The following FAT1 variants were observed in gnomAD, a reference collection of about 807,000 sequenced individuals.
FAT1 encodes protocadherin Fat 1.
Under a neutral mutation model 329.8 loss-of-function variants are expected in FAT1, and 171 were observed. That is an observed-to-expected ratio of 0.52 (90% CI 0.46 to 0.59). The LOEUF is 0.59. Ranked by LOEUF, FAT1 falls within the 20% of genes least tolerant of loss-of-function variation. The pLI is 0.00. For synonymous variants in FAT1, 2,233 were observed against 2,228.6 expected, an observed-to-expected ratio of 1.00 and a Z score of -0.06; for missense variants, 5,672 against 5,774.4, an observed-to-expected ratio of 0.98 and a Z score of 0.57.
Position 186,603,387 on chromosome 4 carries a change from G to C in FAT1, c.11139C>G (p.His3713Gln), listed in dbSNP as rs746793923. Reference protein sequence around the residue: ...SAQISTKQLLHKINSSVTDIE... With the variant: ...SAQISTKQLLQKINSSVTDIE... ...TGTCAGTCACGGAAGAGTTAATCTT[G>C]TGCAGAAGTTGTTTTGTTGAGATCT... is the stretch of plus-strand genomic sequence containing the variant. The change falls in exon 19 of 27, where the codon CAC (histidine) becomes CAG (glutamine). Residue 3713 changes from histidine (H) to glutamine (Q), a missense_variant. Coordinates refer to ENST00000441802, the MANE Select transcript of FAT1 (RefSeq NM_005245.4). The C allele has an allele frequency of 7.4e-6, 12 of 1,613,936 alleles. No individual in the cohort carries two copies. The highest frequency in any genetic ancestry group is 1.0e-5 in the Non-Finnish European group (12 of 1,179,888).
intron 7 of FAT1, among the ~76,000 whole-genome samples, chr4:186,629,384 T>C (rs1346627853): frequency 6.6e-6 from 1 of 152,084 alleles, no homozygotes; most frequent in Non-Finnish European, 1.5e-5. Context: ...AAAAATAAAC[T>C]CTCTTAACTA....
At chr4:186,717,920 T>C (rs953841124) in intron 1 of FAT1, among the ~76,000 whole-genome samples, 10 of 152,190 alleles carry the variant, frequency 6.6e-5, no homozygotes, top group South Asian at 2.1e-4. Context: ...CAATGGACTG[T>C]TGACCTCTTG....
At chr4:186,646,117 C>G (rs1741373571) in intron 3 of FAT1, among the ~76,000 whole-genome samples, 2 of 151,836 alleles carry the variant, frequency 1.3e-5, no homozygotes, top group South Asian at 4.2e-4. Context: ...ATCGATGACC[C>G]CACACTGAAA....
At chr4:186,645,370 T>C (rs1253736357) in intron 3 of FAT1, among the ~76,000 whole-genome samples, 4 of 2,532 alleles carry the variant, frequency 1.6e-3, no homozygotes, top group African/African-American at 4.8e-3. Context: ...TCATTACATA[T>C]ATATATATAT....
chr4:186,677,014 C>T (rs1742990090), intron 2 of FAT1, among the ~76,000 whole-genome samples: 1 of 152,092 alleles, frequency 6.6e-6, no homozygotes, highest in Non-Finnish European at 1.5e-5. Flanking sequence ...GTATAAGCTG[C>T]CCCCCTGCCC....
intron 3 of FAT1, among the ~76,000 whole-genome samples, chr4:186,640,632 A>G (rs1741045944): frequency 6.6e-6 from 1 of 152,246 alleles, no homozygotes; most frequent in South Asian, 2.1e-4. Context: ...CCCATAAAAG[A>G]AAATTAATGA....
At chr4:186,690,448 A>G (rs1743702276) in intron 2 of FAT1, among the ~76,000 whole-genome samples, 1 of 152,210 alleles carries the variant, frequency 6.6e-6, no homozygotes, top group Admixed American at 6.5e-5. Context: ...CTGTAATCCC[A>G]GCACCTGGAG....
intron 26 of FAT1, chr4:186,590,226 T>G: frequency 2.9e-6 from 1 of 347,764 alleles, no homozygotes; most frequent in East Asian, 7.9e-5. Flanking sequence ...GTGCTTCAAA[T>G]GCAATGCGCA....
chr4:186,632,592 AC>A (rs563625868), intron 7 of FAT1, among the ~76,000 whole-genome samples: 1 of 152,188 alleles, frequency 6.6e-6, no homozygotes, highest in Non-Finnish European at 1.5e-5. Context: ...TCTCAAAATG[AC>A]CCCAAAAGCA....
rs1440760808 is a variant in FAT1, at chr4:186,706,587, C to T, written c.3241G>A (p.Val1081Ile). ...CCTGTCTCTTCACCTATTTTGAAAA[C>T]ACCAACGCCAGAGCCATCTCTAATG... ...YSIRDGSGVG[V>I]FKIGEETGVI... Residue 1081 changes from valine to isoleucine, a missense_variant, in exon 2 of 27, where the codon GTT becomes ATT. Val to Ile is a conservative substitution (Grantham distance 29). Transcript: ENST00000441802. 3 of 1,609,504 alleles carry T rather than the reference C, an allele frequency of 1.9e-6. No homozygotes were observed.
chr4:186,673,725 A>G (rs142381650), intron 2 of FAT1, among the ~76,000 whole-genome samples: 211 of 152,384 alleles, frequency 1.4e-3, no homozygotes, highest in African/African-American at 4.8e-3. Context: ...TTAATTAAGT[A>G]CATAATCAGA....
At chr4:186,649,520 A>G (rs1340154757) in intron 3 of FAT1, among the ~76,000 whole-genome samples, 2 of 152,186 alleles carry the variant, frequency 1.3e-5, no homozygotes, top group Admixed American at 1.3e-4. Context: ...CAATAGCAAG[A>G]GTCTTTTTAA....
intron 3 of FAT1, among the ~76,000 whole-genome samples, chr4:186,653,796 A>C (rs899311707): frequency 6.6e-6 from 1 of 152,204 alleles, no homozygotes; most frequent in Non-Finnish European, 1.5e-5. Context: ...GGCTACAGTG[A>C]CACGGCTGAG....
chr4:186,616,997 C>T lies in FAT1; in HGVS notation c.9075+8G>A, dbSNP rs1200708921. 2 of 1,607,136 alleles carry T rather than the reference C, an allele frequency of 1.2e-6. No homozygotes were observed. The highest frequency in any genetic ancestry group is 1.1e-5 in the South Asian group (1 of 89,816). ...ATAACACACAAATGTAAGGGAAGAG[C>T]TGCTTACCTTTTCACAAACTGGACT... On this transcript the variant is annotated splice_region_variant and intron_variant, in intron 11 of 26. Coordinates refer to ENST00000441802, the MANE Select transcript of FAT1 (RefSeq NM_005245.4).
intron 2 of FAT1, among the ~76,000 whole-genome samples, chr4:186,699,251 G>A (rs1219550714): frequency 6.6e-6 from 1 of 151,948 alleles, no homozygotes; most frequent in African/African-American, 2.4e-5. Flanking sequence ...TACATAAATA[G>A]CTGAGTAACT....
At position 186,596,855 on chromosome 4, in the gene FAT1, G is replaced by C. The variant is rs758523144; in HGVS notation, c.12685C>G (p.Gln4229Glu). The change falls in exon 25 of 27, where the codon CAA (glutamine) becomes GAA (glutamate). Residue 4229 changes from glutamine to glutamate, a missense_variant. Around this residue, in one of 2 missense-constraint regions of FAT1, gnomAD observed 1,706 missense variants for 1,859.1 expected, o/e 0.92. Coordinates refer to ENST00000441802, the MANE Select transcript of FAT1 (RefSeq NM_005245.4). The surrounding 1 kb of genome is among the most constrained non-coding windows in gnomAD (Gnocchi z 4.7). ...KHLGPATAFL[Q>E]RPYFDSKLNK... is the part of the protein sequence containing the mutation. ...AGCTTGGAATCAAAATACGGTCTTT[G>C]CAAGAAAGCCGTAGCGGGTCCCAGG... The C allele has an allele frequency of 1.9e-6, 3 of 1,613,856 alleles. No homozygotes were observed. Among genetic ancestry groups the C allele is most frequent in the East Asian group, 2.2e-5 (1 of 44,894 alleles).
At chr4:186,695,359 C>G (rs1579462148) in intron 2 of FAT1, among the ~76,000 whole-genome samples, 1 of 152,216 alleles carries the variant, frequency 6.6e-6, no homozygotes, top group Admixed American at 6.5e-5. Context: ...ACAAAGGAGG[C>G]TGCTCCTAGG....
At chr4:186,684,034 T>A (rs1189626856) in intron 2 of FAT1, among the ~76,000 whole-genome samples, 1 of 152,130 alleles carries the variant, frequency 6.6e-6, no homozygotes, top group Non-Finnish European at 1.5e-5. Flanking sequence ...CATAATTCAC[T>A]TATCCAAATA....
At chr4:186,714,954 T>G (rs1188627397) in intron 1 of FAT1, among the ~76,000 whole-genome samples, 1 of 152,076 alleles carries the variant, frequency 6.6e-6, no homozygotes, top group Non-Finnish European at 1.5e-5. Flanking sequence ...GGTGTGCGCC[T>G]GTAGTCCCAG....
Sources: gnomAD v4.1 joint callset for allele counts (sites outside exome capture counted in the v4.1 genomes callset) on GRCh38, gnomAD v4.1.1 for gene constraint, gnomAD v4.1.1 regional missense constraint, Gnocchi (gnomAD v3.1) non-coding constraint, MANE v1.5 for transcripts, NCBI Gene and HGNC (gene_info 2026-07-23, HGNC 2026-07-21) for gene names.